Variants in ADD1 observed in about 807,000 individuals in gnomAD.
The protein encoded by ADD1 is alpha-adducin.
Under a neutral mutation model 80.5 loss-of-function variants are expected in ADD1, and 24 were observed. The ratio of observed to expected loss-of-function variants is 0.30; its 90% CI spans 0.22 to 0.42. The LOEUF (loss-of-function observed/expected upper bound fraction) is 0.42. ADD1 is among the 10% of genes least tolerant of loss of function. The probability of loss-of-function intolerance (pLI) is 1.00; values close to 1 mark genes in which losing one functional copy is unlikely to be tolerated. For missense variants in ADD1, 948 were observed against 1,019.0 expected (o/e 0.93, Z 0.95); for synonymous variants, 373 against 393.8 (o/e 0.95, Z 0.63).
rs1481475024 is a variant in ADD1 at position 2,929,111 on chromosome 4, CCAA to C, written c.*590_*592del. On this transcript the variant is annotated 3_prime_UTR_variant, in exon 16 of 16. Transcript: ENST00000683351. Reference sequence around the variant, plus strand: ...CAGCGGCAGATGGGCCTGTGTGCACCCAACGTGATGCTATGCATGTCTGACCGA... The same window carrying C: ...CAGCGGCAGATGGGCCTGTGTGCACCCGTGATGCTATGCATGTCTGACCGA... 2.0e-5 allele frequency: 3 copies of C among 152,558 alleles called. No homozygotes were observed. Among genetic ancestry groups the C allele is most frequent in the African/African-American group, 7.2e-5 (3 of 41,408 alleles). The allele number at this position is 152,558 out of a possible 1,614,324, so 9.5% of individuals were successfully genotyped here. A position where few individuals can be genotyped will look rare whatever the true frequency, so the allele number is the denominator to read the frequency against.
intron 10 of ADD1, among the ~76,000 whole-genome samples, chr4:2,906,921 C>T (rs967372588): frequency 6.6e-6 from 1 of 152,004 alleles, no homozygotes; most frequent in Non-Finnish European, 1.5e-5. Flanking sequence ...AACATTTGCT[C>T]TCGAAGATGG....
At chr4:2,872,058 G>A (rs1447537112) in intron 1 of ADD1, among the ~76,000 whole-genome samples, 1 of 152,174 alleles carries the variant, frequency 6.6e-6, no homozygotes, top group Non-Finnish European at 1.5e-5. Flanking sequence ...GAGACTGGAA[G>A]TAGAGAAACC....
At chr4:2,883,386 G>A (rs1732703471) in intron 3 of ADD1, among the ~76,000 whole-genome samples, 1 of 151,702 alleles carries the variant, frequency 6.6e-6, no homozygotes. Context: ...CATCATTGCA[G>A]TTATTATCCG....
chr4:2,865,329 T>G lies in ADD1; in HGVS notation c.-20-10567T>G, dbSNP rs77914090. 9.8e-5 allele frequency among the ~76,000 whole-genome samples: 15 copies of G among 152,340 alleles called. 1 individual carries two copies. The East Asian group carries it at 2.9e-3, about 29-fold the overall frequency. On this transcript the variant is annotated intron_variant, in intron 1 of 15. Coordinates refer to ENST00000683351, the MANE Select transcript of ADD1 (RefSeq NM_001354761.2). ...ATGAACATACCTTTGGCAAGTCTTC[T>G]TAGGCTTATTTTTGTGATTTTTAAA... is the stretch of plus-strand genomic sequence containing the variant.
chr4:2,875,881 A>G lies in ADD1; in HGVS notation c.-20-15A>G. Reference sequence around the variant, plus strand: ...TGATTTGAAAACAATAATTTCTTTTATTTTGATTCTGTAGGAACCTAGAAA... The same window carrying G: ...TGATTTGAAAACAATAATTTCTTTTGTTTTGATTCTGTAGGAACCTAGAAA... On this transcript the variant is annotated splice_polypyrimidine_tract_variant and intron_variant, in intron 1 of 15. Coordinates refer to ENST00000683351, the MANE Select transcript of ADD1 (RefSeq NM_001354761.2). The G allele has an allele frequency of 1.3e-6, 2 of 1,532,632 alleles. No homozygotes were observed. The highest frequency in any genetic ancestry group is 1.3e-5 in the South Asian group (1 of 78,426). The allele number at this position is 1,532,632 out of a possible 1,614,324, so 94.9% of individuals were successfully genotyped here.
chr4:2,908,155 A>G (rs1428401505), intron 11 of ADD1, among the ~76,000 whole-genome samples: 1 of 152,356 alleles, frequency 6.6e-6, no homozygotes, highest in East Asian at 1.9e-4. Context: ...GGTTCGTTCA[A>G]AGACTTGTGA....
intron 10 of ADD1, chr4:2,907,436 T>C: frequency 4.1e-6 from 1 of 245,680 alleles, no homozygotes; most frequent in South Asian, 5.2e-5. Context: ...CCTCCCCTGC[T>C]GGTCCCAGGG....
At chr4:2,907,335 C>T (rs550920779) in intron 10 of ADD1, 1 of 171,982 alleles carries the variant, frequency 5.8e-6, no homozygotes, top group East Asian at 1.6e-4. Context: ...AGCAGCATCA[C>T]ATTGCTTTTC....
Position 2,882,196 on chromosome 4 carries a change from C to T in ADD1, c.358+136C>T, listed in dbSNP as rs910059957. Reference sequence around the variant, plus strand: ...AGTATTTTGAAAATTAATGTGTTTTCGTTAGTCATAGTAAAAGATAGGCTG... The same window carrying T: ...AGTATTTTGAAAATTAATGTGTTTTTGTTAGTCATAGTAAAAGATAGGCTG... On this transcript the variant is annotated intron_variant, in intron 3 of 15. Coordinates refer to ENST00000683351, the MANE Select transcript of ADD1 (RefSeq NM_001354761.2). 8.6e-6 allele frequency: 7 copies of T among 810,698 alleles called. 1 individual carries two copies. Among genetic ancestry groups the T allele is most frequent in the East Asian group, 3.1e-5 (1 of 32,454 alleles). 50.2% of individuals were successfully genotyped at this position (810,698 alleles called of 1,614,324 possible). A position where few individuals can be genotyped will look rare whatever the true frequency, so the allele number is the denominator to read the frequency against.
At chr4:2,847,202 C>T (rs905693942) in intron 1 of ADD1, among the ~76,000 whole-genome samples, 2 of 151,830 alleles carry the variant, frequency 1.3e-5, no homozygotes, top group Non-Finnish European at 2.9e-5. Context: ...GCAGGTGGAT[C>T]GCCTGAGGTC....
intron 1 of ADD1, among the ~76,000 whole-genome samples, chr4:2,856,775 G>T (rs989367276): frequency 4.0e-5 from 6 of 151,450 alleles, no homozygotes; most frequent in Admixed American, 1.3e-4. Flanking sequence ...ATTTTTAATA[G>T]AGATGGGGTT....
In ADD1 at chr4:2,926,805, C is replaced by T. The variant is rs913825854; in HGVS notation, c.2047+693C>T. ...AAAACAGAAGCCCCCCTTTTTTGTA[C>T]CCAGTCCCTTGGAGGCCTTCCTGGA... is the stretch of plus-strand genomic sequence containing the variant. On this transcript the variant is annotated intron_variant, in intron 15 of 15. Transcript: ENST00000683351. The surrounding 1 kb of genome is among the most constrained non-coding windows in gnomAD (Gnocchi z 5.0). 25 of 1,087,998 alleles carry T rather than the reference C, an allele frequency of 2.3e-5. No individual in the cohort carries two copies. Among genetic ancestry groups the T allele is most frequent in the Middle Eastern group, 2.9e-4 (1 of 3,476 alleles). 67.4% of individuals were successfully genotyped at this position (1,087,998 alleles called of 1,614,324 possible). A position where few individuals can be genotyped will look rare whatever the true frequency, so the allele number is the denominator to read the frequency against.
At chr4:2,885,695 C>T (rs898956449) in intron 4 of ADD1, among the ~76,000 whole-genome samples, 11 of 151,872 alleles carry the variant, frequency 7.2e-5, no homozygotes, top group Non-Finnish European at 1.0e-4. Context: ...CTGCAAGCTC[C>T]GCCTCCCGGG....
At chr4:2,905,349 T>C in intron 10 of ADD1, 3 of 552,972 alleles carry the variant, frequency 5.4e-6, no homozygotes, top group Non-Finnish European at 9.6e-6. Flanking sequence ...TATCTCCGTA[T>C]ATAGCAAAAA....
chr4:2,909,345 C>T lies in ADD1; in HGVS notation c.1705C>T (p.Pro569Ser), dbSNP rs752244211. 56 of 1,550,008 alleles carry T rather than the reference C, an allele frequency of 3.6e-5. No homozygotes were observed. Among genetic ancestry groups the T allele is most frequent in the Non-Finnish European group, 4.6e-5 (53 of 1,146,656 alleles). ...ACTCAGTTTACTGTTTCAGGATGCA[C>T]CTCTCTCTGACTGTACGGAAACTAT... ...VMDRSLVQDA[P>S]LSDCTETIEG... is the part of the protein sequence containing the mutation. The change falls in exon 13 of 16, where the codon CCT (proline) becomes TCT (serine). Residue 569 changes from proline (P) to serine (S), a missense_variant. Physicochemically the swap from Pro to Ser is moderately conservative, Grantham distance 74 (BLOSUM62 -1). Coordinates refer to ENST00000683351, the MANE Select transcript of ADD1 (RefSeq NM_001354761.2).
rs34592055 is a variant in ADD1, at chr4:2,897,541, C to CTTT, written c.742-621_742-619dup. On this transcript the variant is annotated intron_variant, in intron 6 of 15. Coordinates refer to ENST00000683351, the MANE Select transcript of ADD1 (RefSeq NM_001354761.2). ...TTTAGAGCACTTGGAAAACCTCCTC[C>CTTT]TTTTTTTTTTTTTTTTTTTTTTTTA... is the stretch of plus-strand genomic sequence containing the variant. 3.2e-3 allele frequency among the ~76,000 whole-genome samples: 321 copies of CTTT among 99,126 alleles called. 7 individuals carry two copies. The highest frequency in any genetic ancestry group is 5.9e-3 in the Admixed American group (51 of 8,668). The allele number at this position is 99,126 out of a possible 152,430, so 65.0% of individuals were successfully genotyped here.
chr4:2,845,949 C>T (rs1183998122), intron 1 of ADD1, among the ~76,000 whole-genome samples: 1 of 152,132 alleles, frequency 6.6e-6, no homozygotes, highest in Non-Finnish European at 1.5e-5. Flanking sequence ...ATAGTATAAA[C>T]CCCTTTTCTC....
At position 2,881,822 on chromosome 4, in the gene ADD1, G is replaced by C. The variant is rs911229589; in HGVS notation, c.196-76G>C. 3.6e-5 allele frequency: 49 copies of C among 1,367,908 alleles called. No individual in the cohort carries two copies. In the Admixed American group the frequency reaches 9.4e-4, roughly 26 times the overall value. 84.7% of individuals were successfully genotyped at this position (1,367,908 alleles called of 1,614,324 possible). ...TGGATGAAAACAAAAATTGGTCTAT[G>C]TGATAGCTACTTCTGACCCCCTGCC... is the stretch of plus-strand genomic sequence containing the variant. On this transcript the variant is annotated intron_variant, in intron 2 of 15. Transcript: ENST00000683351.
At chr4:2,914,052 C>G (rs1477771338) in intron 13 of ADD1, among the ~76,000 whole-genome samples, 1 of 145,542 alleles carries the variant, frequency 6.9e-6, no homozygotes. Flanking sequence ...GTGCGAGACT[C>G]CGTCTCAAAA....
Sources: gnomAD v4.1 joint callset for allele counts (sites outside exome capture counted in the v4.1 genomes callset) on GRCh38, gnomAD v4.1.1 for gene constraint, Gnocchi (gnomAD v3.1) non-coding constraint, MANE v1.5 for transcripts, NCBI Gene and HGNC (gene_info 2026-07-23, HGNC 2026-07-21) for gene names.